Variants in KCNIP4 observed in about 807,000 individuals in gnomAD.
The protein encoded by KCNIP4 is Kv channel-interacting protein 4.
Under a neutral mutation model 34.0 loss-of-function variants are expected in KCNIP4, and 12 were observed. The ratio of observed to expected loss-of-function variants is 0.35; its 90% CI spans 0.23 to 0.57. KCNIP4 has a LOEUF of 0.57. KCNIP4 is among the 20% of genes least tolerant of loss of function. The pLI is 0.83. For synonymous variants in KCNIP4, 124 were observed against 102.2 expected (o/e 1.21, Z -1.29); for missense variants, 238 against 311.7 (o/e 0.76, Z 1.78).
chr4:21,073,533 T>TAA (rs1745177032), intron 1 of KCNIP4, among the ~76,000 whole-genome samples: 19 of 152,212 alleles, frequency 1.2e-4, no homozygotes, highest in South Asian at 4.1e-4. Context: ...AAGGAGATTT[T>TAA]GGGCTGAGAC....
intron 3 of KCNIP4, among the ~76,000 whole-genome samples, chr4:20,812,335 G>A (rs998332161): frequency 6.6e-6 from 1 of 152,106 alleles, no homozygotes; most frequent in Non-Finnish European, 1.5e-5. Context: ...GGCAGGTGAG[G>A]TGAAGAATTC....
intron 1 of KCNIP4, among the ~76,000 whole-genome samples, chr4:21,400,559 TCTTCTCTTCTCTTCTCTTC>T (rs879372670): frequency 0.053 from 6,098 of 114,532 alleles, 298 homozygotes; most frequent in Non-Finnish European, 0.076. Context: ...TCTTCTCTTC[TCTTCTCTTCTCTTCTCTTC>T]GTTCTTTCTT....
At chr4:21,810,719 G>C (rs201828686) in intron 1 of KCNIP4, among the ~76,000 whole-genome samples, 18 of 61,048 alleles carry the variant, frequency 2.9e-4, no homozygotes, top group Non-Finnish European at 5.4e-4. Context: ...AAAAAAATCA[G>C]AGAGAATTTT....
At chr4:21,938,230 A>T (rs1283661108) in intron 1 of KCNIP4, among the ~76,000 whole-genome samples, 1 of 152,074 alleles carries the variant, frequency 6.6e-6, no homozygotes, top group Non-Finnish European at 1.5e-5. Context: ...GCGTAGTATG[A>T]CTTATACCTG....
chr4:21,310,809 T>C (rs1006479268), intron 1 of KCNIP4, among the ~76,000 whole-genome samples: 1 of 151,944 alleles, frequency 6.6e-6, no homozygotes, highest in Non-Finnish European at 1.5e-5. Flanking sequence ...TTTTGTATTT[T>C]AATAGAGACG....
chr4:21,934,181 A>G (rs6857357), intron 1 of KCNIP4, among the ~76,000 whole-genome samples: 151,979 of 152,098 alleles, frequency 1, 75,931 homozygotes, highest in Non-Finnish European at 1. Context: ...AATGCTCCAG[A>G]TAAAAATCTC....
chr4:21,342,628 A>C (rs1004280651), intron 1 of KCNIP4, among the ~76,000 whole-genome samples: 4 of 151,942 alleles, frequency 2.6e-5, no homozygotes, highest in Non-Finnish European at 4.4e-5. Flanking sequence ...TTGATAAGTA[A>C]AATTACAAAT....
intron 1 of KCNIP4, among the ~76,000 whole-genome samples, chr4:21,432,893 G>A (rs377559215): frequency 3.9e-5 from 6 of 151,996 alleles, no homozygotes; most frequent in Admixed American, 6.5e-5. Context: ...TAGTGCCATC[G>A]TCATTCTATT....
At chr4:20,827,310 G>A (rs565298190) in intron 3 of KCNIP4, among the ~76,000 whole-genome samples, 1 of 152,126 alleles carries the variant, frequency 6.6e-6, no homozygotes, top group Non-Finnish European at 1.5e-5. Flanking sequence ...TAAGAGCAAG[G>A]CATGGACGGG....
intron 1 of KCNIP4, among the ~76,000 whole-genome samples, chr4:21,334,043 A>C (rs1715915213): frequency 1.3e-5 from 2 of 152,266 alleles, no homozygotes; most frequent in Non-Finnish European, 2.9e-5. Flanking sequence ...TTGCAAAGCC[A>C]GTTTAAGAAA....
intron 1 of KCNIP4, among the ~76,000 whole-genome samples, chr4:21,722,800 C>G (rs1714915569): frequency 6.6e-6 from 1 of 152,120 alleles, no homozygotes; most frequent in South Asian, 2.1e-4. Context: ...ATATTACGTT[C>G]TGCTCTTTCC....
intron 1 of KCNIP4, among the ~76,000 whole-genome samples, chr4:21,558,781 A>C (rs1293684203): frequency 6.6e-6 from 1 of 152,142 alleles, no homozygotes; most frequent in East Asian, 1.9e-4. Context: ...ATGTGAAGCA[A>C]AGATTATGTA....
intron 1 of KCNIP4, among the ~76,000 whole-genome samples, chr4:21,753,240 A>G (rs977008785): frequency 6.6e-6 from 1 of 152,178 alleles, no homozygotes; most frequent in Non-Finnish European, 1.5e-5. Context: ...TAGAGAAAAA[A>G]AATGTTCACT....
chr4:21,676,553 G>T (rs1749915271), intron 1 of KCNIP4, among the ~76,000 whole-genome samples: 1 of 152,146 alleles, frequency 6.6e-6, no homozygotes, highest in African/African-American at 2.4e-5. Context: ...ATTCCTTAAA[G>T]ATTCTGTCAC....
At chr4:21,290,760 G>T (rs905025961) in intron 1 of KCNIP4, among the ~76,000 whole-genome samples, 1 of 152,160 alleles carries the variant, frequency 6.6e-6, no homozygotes, top group African/African-American at 2.4e-5. Context: ...GGACCTAAAA[G>T]AGGCAGCCAG....
chr4:21,241,068 A>C (rs1170095455), intron 1 of KCNIP4, among the ~76,000 whole-genome samples: 1 of 152,154 alleles, frequency 6.6e-6, no homozygotes, highest in African/African-American at 2.4e-5. Flanking sequence ...CATACTACAG[A>C]GTCACTACAT....
chr4:21,867,506 T>C (rs1380662777), intron 1 of KCNIP4, among the ~76,000 whole-genome samples: 3 of 152,200 alleles, frequency 2.0e-5, no homozygotes, highest in Non-Finnish European at 4.4e-5. Context: ...TACAGACCAG[T>C]AGCGTTCTTC....
intron 1 of KCNIP4, among the ~76,000 whole-genome samples, chr4:21,062,223 TCA>T (rs1471174690): frequency 6.6e-6 from 1 of 152,150 alleles, no homozygotes; most frequent in Non-Finnish European, 1.5e-5. Flanking sequence ...CTCAAGCAAA[TCA>T]CAGACAAATG....
rs1723332573 is a variant in KCNIP4 at position 21,836,563 on chromosome 4, AAAATTT to A, written c.61+112002_61+112007del. On this transcript the variant is annotated intron_variant, in intron 1 of 8. Transcript: ENST00000382152. ...AAAAATCACAAAACATGGCTGTTGG[AAAATTT>A]GCAGTTAACTAGTTCTCTAATATGT... Among the ~76,000 whole-genome samples, 4 of 152,192 alleles carry A rather than the reference AAAATTT, an allele frequency of 2.6e-5. No individual in the cohort carries two copies. In the South Asian group the frequency reaches 8.3e-4, roughly 32 times the overall value.
Sources: allele counts gnomAD v4.1 joint callset (sites outside exome capture counted in the v4.1 genomes callset), GRCh38; gene constraint gnomAD v4.1.1; transcripts MANE v1.5; gene names NCBI Gene and HGNC (gene_info 2026-07-23, HGNC 2026-07-21).